Variants in CACNA1D observed in about 807,000 individuals in gnomAD.
The protein encoded by CACNA1D is voltage-dependent L-type calcium channel subunit alpha-1D.
In CACNA1D, 55 loss-of-function variants were observed where a neutral mutation model predicts 257.1. The ratio of observed to expected loss-of-function variants is 0.21; its 90% CI spans 0.17 to 0.27. The LOEUF (loss-of-function observed/expected upper bound fraction) is 0.27. CACNA1D is among the 10% of genes least tolerant of loss of function. CACNA1D has a pLI of 1.00. For synonymous variants in CACNA1D, 980 were observed against 1,014.9 expected, an observed-to-expected ratio of 0.97 and a Z score of 0.65; for missense variants, 1,876 against 2,784.0, an observed-to-expected ratio of 0.67 and a Z score of 7.34.
intron 3 of CACNA1D, among the ~76,000 whole-genome samples, chr3:53,619,361 C>A (rs890463153): frequency 1.3e-5 from 2 of 152,200 alleles, no homozygotes; most frequent in African/African-American, 2.4e-5. Context: ...CTGTGAAGAT[C>A]ATAGGTTCAG....
intron 2 of CACNA1D, 22 bp from the exon 3 acceptor site, chr3:53,501,593 A>G (rs1032814425): frequency 8.1e-7 from 1 of 1,235,634 alleles, no homozygotes; most frequent in African/African-American, 1.5e-5. Flanking sequence ...TAACACATAT[A>G]TACCTTAACA....
chr3:53,577,454 C>A (rs950064923), intron 3 of CACNA1D, among the ~76,000 whole-genome samples: 28 of 152,054 alleles, frequency 1.8e-4, no homozygotes, highest in Admixed American at 1.7e-3. Context: ...GGCAACCCAG[C>A]CAAAAGAGAC....
intron 29 of CACNA1D, among the ~76,000 whole-genome samples, chr3:53,755,187 A>G (rs2095255555): frequency 6.6e-6 from 1 of 152,260 alleles, no homozygotes; most frequent in Non-Finnish European, 1.5e-5. Flanking sequence ...TACTTGAGAA[A>G]TGCAACATGG....
chr3:53,764,207 A>G (rs2095319500), intron 30 of CACNA1D, among the ~76,000 whole-genome samples: 1 of 152,210 alleles, frequency 6.6e-6, no homozygotes, highest in Non-Finnish European at 1.5e-5. Flanking sequence ...TATGTAAATG[A>G]TGCTTGGTTG....
intron 8 of CACNA1D, among the ~76,000 whole-genome samples, chr3:53,681,157 A>G (rs2094426087): frequency 2.6e-5 from 4 of 152,234 alleles, no homozygotes; most frequent in Admixed American, 2.6e-4. Flanking sequence ...GATACCATTT[A>G]TTAAAGAGAT....
At position 53,559,381 on chromosome 3, in the gene CACNA1D, G is replaced by A. The variant is rs117061624; in HGVS notation, c.483+57661G>A. ...CAAATTGAGAGTTTTCCAGTTTTTC[G>A]TATGTTGAGTAATTTTGGAGTATGT... On this transcript the variant is annotated intron_variant, in intron 3 of 47. Transcript: ENST00000350061. 7.2e-4 allele frequency among the ~76,000 whole-genome samples: 110 copies of A among 152,094 alleles called. 3 individuals carry two copies. The East Asian group carries it at 0.019, about 26-fold the overall frequency.
chr3:53,718,735 G>A lies in CACNA1D; in HGVS notation c.1478+347G>A, dbSNP rs988096927. 59 of 1,555,116 alleles carry A rather than the reference G, an allele frequency of 3.8e-5. No individual in the cohort carries two copies. The highest frequency in any genetic ancestry group is 7.2e-5 in the East Asian group (3 of 41,758). Reference sequence around the variant, plus strand: ...AAGGCGGGGCCCTCTGGGTGTCGGCGGTGGGGGTAAAGGCCTGATTCTCCT... The same window carrying A: ...AAGGCGGGGCCCTCTGGGTGTCGGCAGTGGGGGTAAAGGCCTGATTCTCCT... On this transcript the variant is annotated intron_variant, in intron 10 of 47. Coordinates refer to ENST00000350061, the MANE Select transcript of CACNA1D (RefSeq NM_001128840.3).
At chr3:53,553,194 C>T (rs1483899370) in intron 3 of CACNA1D, among the ~76,000 whole-genome samples, 2 of 152,218 alleles carry the variant, frequency 1.3e-5, no homozygotes, top group Non-Finnish European at 2.9e-5. Flanking sequence ...TCAGAATGGC[C>T]TTACTGCCAA....
At position 53,735,481 on chromosome 3, in the gene CACNA1D, G is replaced by A. The variant is rs115066564; in HGVS notation, c.2729G>A (p.Arg910His). ...SAALAAEDPI[R>H]SHSFRNTILG... Reference sequence around the variant, plus strand: ...GCCCTGGCCGCAGAGGACCCCATCCGCAGCCACTCCTTCCGGAACACGGTA... The same window carrying A: ...GCCCTGGCCGCAGAGGACCCCATCCACAGCCACTCCTTCCGGAACACGGTA... Residue 910 changes from arginine (R) to histidine (H), a missense_variant, in exon 20 of 48, where the codon CGC (arginine) becomes CAC (histidine). Physicochemically the swap from Arg to His is conservative, Grantham distance 29 (BLOSUM62 0). Coordinates refer to ENST00000350061, the MANE Select transcript of CACNA1D (RefSeq NM_001128840.3). 7.3e-4 allele frequency: 1,181 copies of A among 1,613,812 alleles called. 3 individuals are homozygous for A. Among genetic ancestry groups the A allele is most frequent in the South Asian group, 1.6e-3 (142 of 91,064 alleles).
chr3:53,798,326 TGCGTGTGTGTGC>T (rs758661957), intron 40 of CACNA1D, among the ~76,000 whole-genome samples: 2 of 148,718 alleles, frequency 1.3e-5, no homozygotes, highest in Admixed American at 6.6e-5. Flanking sequence ...TGTGTGTGTG[TGCGTGTGTGTGC>T]GTGTGTGTGT....
chr3:53,702,586 G>A, intron 8 of CACNA1D, 55 bp from the exon 9 acceptor site: 1 of 1,577,984 alleles, frequency 6.3e-7, no homozygotes, highest in Non-Finnish European at 8.7e-7. Flanking sequence ...AGTGGCTCAG[G>A]ATGCAGGTCC....
chr3:53,648,826 C>CAA (rs2094052334), intron 3 of CACNA1D, among the ~76,000 whole-genome samples: 2 of 119,944 alleles, frequency 1.7e-5, no homozygotes, highest in South Asian at 2.4e-4. Flanking sequence ...GGCTAACTCT[C>CAA]AAAACACACA....
chr3:53,563,402 T>C (rs1165072685), intron 3 of CACNA1D, among the ~76,000 whole-genome samples: 1 of 152,052 alleles, frequency 6.6e-6, no homozygotes, highest in Non-Finnish European at 1.5e-5. Flanking sequence ...TGGGCGCCTG[T>C]AGTCCCAGCT....
intron 8 of CACNA1D, among the ~76,000 whole-genome samples, chr3:53,689,281 C>T (rs903397338): frequency 1.3e-4 from 20 of 149,814 alleles, no homozygotes; most frequent in African/African-American, 4.1e-4. Context: ...CAGGGTGCTC[C>T]GTGCTGGCTG....
At chr3:53,706,739 AG>A (rs1216578362) in intron 9 of CACNA1D, among the ~76,000 whole-genome samples, 1 of 152,122 alleles carries the variant, frequency 6.6e-6, no homozygotes, top group African/African-American at 2.4e-5. Flanking sequence ...CATTATACCC[AG>A]TAAGTAATTT....
At chr3:53,498,649 C>T (rs1319056132) in intron 2 of CACNA1D, among the ~76,000 whole-genome samples, 1 of 152,164 alleles carries the variant, frequency 6.6e-6, no homozygotes, top group Non-Finnish European at 1.5e-5. Flanking sequence ...TGTTGGCAGC[C>T]AGCTAGAAAG....
chr3:53,754,552 A>G (rs2108897420), intron 29 of CACNA1D, among the ~76,000 whole-genome samples: 1 of 152,332 alleles, frequency 6.6e-6, no homozygotes, highest in African/African-American at 2.4e-5. Context: ...CCTGGCATGT[A>G]GCGCCACGCT....
intron 27 of CACNA1D, among the ~76,000 whole-genome samples, chr3:53,750,912 C>T (rs2095219981): frequency 6.6e-6 from 1 of 152,178 alleles, no homozygotes; most frequent in African/African-American, 2.4e-5. Flanking sequence ...GGTGGACCAG[C>T]CCCACTACCC....
intron 3 of CACNA1D, among the ~76,000 whole-genome samples, chr3:53,550,154 C>G (rs1267763891): frequency 6.6e-6 from 1 of 152,156 alleles, no homozygotes; most frequent in Non-Finnish European, 1.5e-5. Flanking sequence ...GTGAGGAGAG[C>G]TGGGGATGCC....
Sources: allele counts gnomAD v4.1 joint callset (sites outside exome capture counted in the v4.1 genomes callset), GRCh38; gene constraint gnomAD v4.1.1; transcripts MANE v1.5; gene names NCBI Gene and HGNC (gene_info 2026-07-23, HGNC 2026-07-21).